The following B3GALNT1 variants were observed in gnomAD, a reference collection of about 807,000 sequenced individuals.
B3GALNT1 encodes beta-1,3-N-acetylgalactosaminyltransferase 1 (Globoside blood group).
Under a neutral mutation model 27.3 loss-of-function variants are expected in B3GALNT1, and 17 were observed. That is an observed-to-expected ratio of 0.62 (90% CI 0.43 to 0.94). The LOEUF (loss-of-function observed/expected upper bound fraction) is 0.94, where lower values mean the gene tolerates loss of function less well. Ranked by LOEUF, B3GALNT1 falls within the 40% of genes least tolerant of loss-of-function variation. The pLI, the probability that B3GALNT1 is intolerant of heterozygous loss-of-function variation, is 0.00. For synonymous variants in B3GALNT1, 141 were observed against 144.0 expected (o/e 0.98, Z 0.15); for missense variants, 347 against 390.0 (o/e 0.89, Z 0.93).
chr3:161,092,503 A>C (rs1725686098), intron 4 of B3GALNT1, among the ~76,000 whole-genome samples: 1 of 152,158 alleles, frequency 6.6e-6, no homozygotes, highest in Non-Finnish European at 1.5e-5. Context: ...TGAAAGGAAC[A>C]TGTGGTTAAA....
At chr3:161,097,172 C>A (rs990245653) in intron 4 of B3GALNT1, among the ~76,000 whole-genome samples, 1 of 152,202 alleles carries the variant, frequency 6.6e-6, no homozygotes, top group African/African-American at 2.4e-5. Context: ...AATTACTCAA[C>A]CTTTTTAAGC....
chr3:161,090,852 A>C (rs1724700500), intron 4 of B3GALNT1, among the ~76,000 whole-genome samples: 1 of 152,236 alleles, frequency 6.6e-6, no homozygotes, highest in South Asian at 2.1e-4. Flanking sequence ...TTACTTGAAA[A>C]TTACTGGGAT....
chr3:161,102,769 T>C (rs1732063075), intron 3 of B3GALNT1, among the ~76,000 whole-genome samples: 1 of 152,106 alleles, frequency 6.6e-6, no homozygotes, highest in Non-Finnish European at 1.5e-5. Context: ...CCATGATCCA[T>C]CCTGTTAAAA....
Position 161,104,261 on chromosome 3 carries a change from T to C in B3GALNT1, c.-221+58A>G, listed in dbSNP as rs912333540. 8.7e-6 allele frequency: 11 copies of C among 1,258,144 alleles called. No homozygotes were observed. The African/African-American group carries it at 1.4e-4, about 16-fold the overall frequency. 77.9% of individuals were successfully genotyped at this position (1,258,144 alleles called of 1,614,324 possible). A position where few individuals can be genotyped will look rare whatever the true frequency, so the allele number is the denominator to read the frequency against. On this transcript the variant is annotated intron_variant, in intron 2 of 4. Coordinates refer to ENST00000320474, the MANE Select transcript of B3GALNT1 (RefSeq NM_003781.4). ...GCGCCCTTCTTTTGCTTAAGCCTCCTGGGAGAAGCTAAAAAACTTGTTCCC... is the reference window on the plus strand; with the variant it reads ...GCGCCCTTCTTTTGCTTAAGCCTCCCGGGAGAAGCTAAAAAACTTGTTCCC...
intron 4 of B3GALNT1, among the ~76,000 whole-genome samples, chr3:161,091,898 CAG>C (rs1475810457): frequency 6.6e-6 from 1 of 152,128 alleles, no homozygotes; most frequent in Admixed American, 6.5e-5. Context: ...GATTATACAT[CAG>C]AGTTTTGATA....
chr3:161,087,860 C>T (rs1285682162), intron 4 of B3GALNT1, among the ~76,000 whole-genome samples: 2 of 152,030 alleles, frequency 1.3e-5, no homozygotes, highest in Non-Finnish European at 2.9e-5. Context: ...AAGTAGGAGA[C>T]GGGAGAAAGA....
intron 4 of B3GALNT1, among the ~76,000 whole-genome samples, chr3:161,090,281 T>G (rs991190124): frequency 3.9e-5 from 6 of 152,050 alleles, no homozygotes; most frequent in African/African-American, 1.4e-4. Context: ...ATGGGAAAAC[T>G]TATAATCCTA....
Position 161,086,733 on chromosome 3 carries a change from C to T in B3GALNT1, c.22G>A (p.Val8Ile). MASALWT[V>I]LPSRMSLRSL... ...CTCAGTGACATCCTACTCGGAAGGA[C>T]AGTCCAGAGAGCCGAGGCCATCCAC... The change falls in exon 5 of 5, where the codon GTC becomes ATC. Residue 8 changes from valine (V) to isoleucine (I), a missense_variant. Physicochemically the swap from Val to Ile is conservative, Grantham distance 29. Coordinates refer to ENST00000320474, the MANE Select transcript of B3GALNT1 (RefSeq NM_003781.4). The T allele has an allele frequency of 6.2e-7, 1 of 1,614,044 alleles. No homozygotes were observed. Among genetic ancestry groups the T allele is most frequent in the Non-Finnish European group, 8.5e-7 (1 of 1,179,986 alleles).
chr3:161,100,023 T>C (rs1216936748), intron 4 of B3GALNT1, among the ~76,000 whole-genome samples: 2 of 152,226 alleles, frequency 1.3e-5, no homozygotes, highest in Non-Finnish European at 2.9e-5. Flanking sequence ...GGGGATGTTC[T>C]GTTCTGGAGA....
At chr3:161,095,072 T>C (rs145946960) in intron 4 of B3GALNT1, among the ~76,000 whole-genome samples, 3 of 152,182 alleles carry the variant, frequency 2.0e-5, no homozygotes, top group African/African-American at 7.2e-5. Context: ...ACTCAAGCAA[T>C]CCTCCCACCG....
At chr3:161,099,214 G>A (rs747982032) in intron 4 of B3GALNT1, among the ~76,000 whole-genome samples, 49 of 152,170 alleles carry the variant, frequency 3.2e-4, no homozygotes, top group Non-Finnish European at 5.9e-4. Context: ...AAAAATCACA[G>A]GCCTATCTTT....
intron 4 of B3GALNT1, among the ~76,000 whole-genome samples, chr3:161,093,220 A>T (rs1199432895): frequency 6.6e-6 from 1 of 152,194 alleles, no homozygotes; most frequent in African/African-American, 2.4e-5. Flanking sequence ...TAAATTTTTG[A>T]GGTTATAGAT....
rs1721276543 is a variant in B3GALNT1 at position 161,085,681 on chromosome 3, A to C, written c.*78T>G. ...AAGCCAGCACACTGACCTCCCCATGAATTTTCCACAGTACCTACTTTATTT... is the reference window on the plus strand; with the variant it reads ...AAGCCAGCACACTGACCTCCCCATGCATTTTCCACAGTACCTACTTTATTT... On this transcript the variant is annotated 3_prime_UTR_variant, in exon 5 of 5. Transcript: ENST00000320474. 1.9e-6 allele frequency: 3 copies of C among 1,539,824 alleles called. No homozygotes were observed. The Admixed American group carries it at 5.0e-5, about 26-fold the overall frequency.
At chr3:161,089,131 T>C (rs1024753449) in intron 4 of B3GALNT1, among the ~76,000 whole-genome samples, 1 of 152,208 alleles carries the variant, frequency 6.6e-6, no homozygotes, top group Admixed American at 6.5e-5. Context: ...CCAGGATGAA[T>C]GGGTATGTTA....
intron 2 of B3GALNT1, 56 bp downstream of exon 2, chr3:161,104,263 G>A: frequency 2.4e-6 from 3 of 1,262,492 alleles, no homozygotes; most frequent in Non-Finnish European, 3.1e-6. Context: ...AAGCCTCCTG[G>A]GAGAAGCTAA....
chr3:161,104,476 A>G, intron 1 of B3GALNT1, 70 bp from the exon 2 acceptor site: 3 of 644,560 alleles, frequency 4.7e-6, no homozygotes, highest in South Asian at 3.4e-5. Context: ...CAACATTAAG[A>G]AGGCGAACGG....
intron 4 of B3GALNT1, among the ~76,000 whole-genome samples, chr3:161,090,700 TAA>T (rs879563624): frequency 1.4e-5 from 2 of 144,190 alleles, no homozygotes; most frequent in African/African-American, 2.5e-5. Flanking sequence ...ATCTCTACTT[TAA>T]AAAAAAAAAA....
chr3:161,085,719 A>C lies in B3GALNT1; in HGVS notation c.*40T>G, dbSNP rs1485346019. The C allele has an allele frequency of 6.2e-7, 1 of 1,608,434 alleles. No individual in the cohort carries two copies. The highest frequency in any genetic ancestry group is 1.1e-5 in the South Asian group (1 of 90,902). The stretch of plus-strand genomic sequence containing the variant: ...ACCTACTTTATTTAACACTTTCCAC[A>C]AAGTATCCTGTCCTTCTAGGCTTTT... On this transcript the variant is annotated 3_prime_UTR_variant, in exon 5 of 5. Coordinates refer to ENST00000320474, the MANE Select transcript of B3GALNT1 (RefSeq NM_003781.4).
In B3GALNT1 at chr3:161,085,501, C is replaced by T. The variant is rs1217762954; in HGVS notation, c.*258G>A. 1 of 482,422 alleles carries T rather than the reference C, an allele frequency of 2.1e-6. No individual in the cohort carries two copies. Among genetic ancestry groups the T allele is most frequent in the East Asian group, 3.7e-5 (1 of 27,212 alleles). 29.9% of individuals were successfully genotyped at this position (482,422 alleles called of 1,614,324 possible). Reference sequence around the variant, plus strand: ...ATTCTAGTCTACAGAATGACATGTCCAAATTGTTTGGTCCTATTAATTTCT... The same window carrying T: ...ATTCTAGTCTACAGAATGACATGTCTAAATTGTTTGGTCCTATTAATTTCT... On this transcript the variant is annotated 3_prime_UTR_variant, in exon 5 of 5. Transcript: ENST00000320474.
Sources: allele counts gnomAD v4.1 joint callset (sites outside exome capture counted in the v4.1 genomes callset), GRCh38; gene constraint gnomAD v4.1.1; transcripts MANE v1.5; gene names NCBI Gene and HGNC (gene_info 2026-07-23, HGNC 2026-07-21).